KHDRBS3: variants seen among roughly 807,000 people sequenced by gnomAD.
KHDRBS3 encodes the protein KH domain-containing, RNA-binding, signal transduction-associated protein 3.
Under a neutral mutation model 45.6 loss-of-function variants are expected in KHDRBS3, and 23 were observed. The ratio of observed to expected loss-of-function variants is 0.50; its 90% confidence interval spans 0.36 to 0.72. KHDRBS3 has a LOEUF of 0.72. Among genes scored for constraint, KHDRBS3 ranks in the 30% least tolerant of loss-of-function variants. KHDRBS3 has a pLI of 0.00. For synonymous variants in KHDRBS3, 162 were observed against 156.5 expected, an observed-to-expected ratio of 1.04 and a Z score of -0.26; for missense variants, 352 against 424.8, an observed-to-expected ratio of 0.83 and a Z score of 1.51.
At chr8:135,576,695 C>T (rs1827959805) in intron 5 of KHDRBS3, among the ~76,000 whole-genome samples, 1 of 152,092 alleles carries the variant, frequency 6.6e-6, no homozygotes, top group Non-Finnish European at 1.5e-5. Flanking sequence ...AGCTCAGGTT[C>T]CATTTATTGG....
In KHDRBS3 at chr8:135,500,353, G is replaced by C. The variant is rs550701834; in HGVS notation, c.89-20884G>C. The stretch of plus-strand genomic sequence containing the variant: ...TCTCTTAAAGTTTTTTGTTTCCAAA[G>C]AATAGAAACTGACTTTGGCCAAACA... On this transcript the variant is annotated intron_variant, in intron 1 of 8. Coordinates refer to ENST00000355849, the MANE Select transcript of KHDRBS3 (RefSeq NM_006558.3). Among the ~76,000 whole-genome samples, 10 of 152,066 alleles carry C rather than the reference G, an allele frequency of 6.6e-5. No homozygotes were observed. In the South Asian group the frequency reaches 1.9e-3, roughly 28 times the overall value.
intron 1 of KHDRBS3, among the ~76,000 whole-genome samples, chr8:135,490,971 A>C (rs1395962799): frequency 6.6e-6 from 1 of 152,156 alleles, no homozygotes; most frequent in African/African-American, 2.4e-5. Flanking sequence ...TACTTGTCAG[A>C]GATATGGGTG....
rs544233655 is a variant in KHDRBS3, at chr8:135,572,834, C to CT, written c.612-9043dup. On this transcript the variant is annotated intron_variant, in intron 5 of 8. Transcript: ENST00000355849. ...TTCCCTGTGTTGTAAGAGACTATAA[C>CT]TGTAGGCTGTTTCGCCTTTTCCTTT... Among the ~76,000 whole-genome samples, 717 of 152,362 alleles carry CT rather than the reference C, an allele frequency of 4.7e-3. 3 individuals are homozygous for CT. The highest frequency in any genetic ancestry group is 0.017 in the African/African-American group (689 of 41,586).
chr8:135,626,173 T>C (rs939775330), intron 7 of KHDRBS3, among the ~76,000 whole-genome samples: 1 of 152,256 alleles, frequency 6.6e-6, no homozygotes, highest in Non-Finnish European at 1.5e-5. Flanking sequence ...CATTATTTCA[T>C]TTAAACTTTA....
intron 5 of KHDRBS3, among the ~76,000 whole-genome samples, chr8:135,564,671 T>C (rs983279069): frequency 6.6e-6 from 1 of 152,218 alleles, no homozygotes; most frequent in Non-Finnish European, 1.5e-5. Context: ...CTGGTCTATG[T>C]CTTGACCTAG....
intron 1 of KHDRBS3, among the ~76,000 whole-genome samples, chr8:135,475,761 A>G (rs2873419): frequency 0.8 from 121,679 of 152,026 alleles, 49,222 homozygotes; most frequent in East Asian, 0.96. Context: ...ACATTTATAG[A>G]CCATATTTTT....
downstream of KHDRBS3, among the ~76,000 whole-genome samples, chr8:135,651,784 G>C (rs138222364): frequency 7.4e-4 from 112 of 152,226 alleles, no homozygotes; most frequent in African/African-American, 2.6e-3. Flanking sequence ...CAGTGTAAGG[G>C]TTTAGTAAGT....
intron 2 of KHDRBS3, among the ~76,000 whole-genome samples, chr8:135,525,097 C>G (rs1825112306): frequency 6.6e-6 from 1 of 152,066 alleles, no homozygotes; most frequent in Admixed American, 6.6e-5. Flanking sequence ...AATTTTGGAT[C>G]GTATGCTGGC....
At chr8:135,498,827 C>T (rs1823589879) in intron 1 of KHDRBS3, among the ~76,000 whole-genome samples, 1 of 151,996 alleles carries the variant, frequency 6.6e-6, no homozygotes, top group South Asian at 2.1e-4. Context: ...TGATCTGGTC[C>T]CCATGCGCAC....
At chr8:135,470,587 TTTC>T (rs1207401331) in intron 1 of KHDRBS3, among the ~76,000 whole-genome samples, 3 of 151,720 alleles carry the variant, frequency 2.0e-5, no homozygotes, top group Admixed American at 6.6e-5. Flanking sequence ...TTTTTTTTTT[TTTC>T]TTCTTCTTTC....
At chr8:135,541,150 C>T (rs1826029678) in intron 2 of KHDRBS3, 1 of 152,092 alleles carries the variant, frequency 6.6e-6, no homozygotes. Context: ...TATTTAAATT[C>T]TCCAGAAAGT....
At chr8:135,607,446 C>A (rs1277961381) in intron 7 of KHDRBS3, among the ~76,000 whole-genome samples, 1 of 152,154 alleles carries the variant, frequency 6.6e-6, no homozygotes, top group African/African-American at 2.4e-5. Context: ...ATTTCAATTT[C>A]TAAGTAGCAG....
intron 1 of KHDRBS3, among the ~76,000 whole-genome samples, chr8:135,512,154 A>C (rs1224264517): frequency 6.6e-6 from 1 of 152,184 alleles, no homozygotes; most frequent in Non-Finnish European, 1.5e-5. Flanking sequence ...CTTTAGTGAA[A>C]ACATTTGTCA....
intron 6 of KHDRBS3, among the ~76,000 whole-genome samples, chr8:135,594,733 T>C (rs1223753215): frequency 6.6e-6 from 1 of 152,162 alleles, no homozygotes; most frequent in African/African-American, 2.4e-5. Flanking sequence ...ATTAAAAAGG[T>C]ATTTTGAATT....
intron 1 of KHDRBS3, chr8:135,458,316 C>T (rs1821224387): frequency 5.7e-6 from 3 of 529,786 alleles, no homozygotes; most frequent in South Asian, 9.0e-5. Flanking sequence ...GTGTTGGACT[C>T]GGGGAAGTAG....
At chr8:135,468,840 C>G (rs1821832376) in intron 1 of KHDRBS3, among the ~76,000 whole-genome samples, 1 of 152,182 alleles carries the variant, frequency 6.6e-6, no homozygotes, top group South Asian at 2.1e-4. Flanking sequence ...GGACATCAGT[C>G]TCTTATGACT....
At chr8:135,598,269 A>G (rs1026494335) in intron 6 of KHDRBS3, among the ~76,000 whole-genome samples, 1 of 152,250 alleles carries the variant, frequency 6.6e-6, no homozygotes, top group Non-Finnish European at 1.5e-5. Flanking sequence ...GTCTTCAGCT[A>G]AAACAAAACT....
At chr8:135,549,041 C>T (rs1826452831) in intron 4 of KHDRBS3, 141 bp downstream of exon 4, 2 of 458,950 alleles carry the variant, frequency 4.4e-6, no homozygotes, top group Non-Finnish European at 7.4e-6. Context: ...GTAGACCTTA[C>T]ATTGTCCTTG....
At chr8:135,530,753 T>C (rs976654388) in intron 2 of KHDRBS3, among the ~76,000 whole-genome samples, 2 of 152,218 alleles carry the variant, frequency 1.3e-5, no homozygotes, top group African/African-American at 2.4e-5. Context: ...TGAGTACTCA[T>C]GCCAGATACC....
Sources: allele counts gnomAD v4.1 joint callset (sites outside exome capture counted in the v4.1 genomes callset), GRCh38; gene constraint gnomAD v4.1.1; transcripts MANE v1.5; gene names NCBI Gene and HGNC (gene_info 2026-07-23, HGNC 2026-07-21).